The following TMEM128 variants were observed in gnomAD, a reference collection of about 807,000 sequenced individuals.
TMEM128 encodes transmembrane protein 128.
Under a neutral mutation model 19.7 loss-of-function variants are expected in TMEM128, and 16 were observed. The observed-to-expected ratio is 0.81, with a 90% confidence interval of 0.55 to 1.23. TMEM128 has a LOEUF of 1.23. TMEM128 is among the 50% of genes most tolerant of loss of function. The probability of loss-of-function intolerance (pLI) is 0.00; values close to 1 mark genes in which losing one functional copy is unlikely to be tolerated. For synonymous variants in TMEM128, 98 were observed against 75.8 expected, an observed-to-expected ratio of 1.29 and a Z score of -1.52; for missense variants, 237 against 200.8, an observed-to-expected ratio of 1.18 and a Z score of -1.09.
chr4:4,243,559 T>C (rs567416602), intron 2 of TMEM128, among the ~76,000 whole-genome samples: 1 of 152,330 alleles, frequency 6.6e-6, no homozygotes, highest in South Asian at 2.1e-4. Context: ...CTGTCTTTTG[T>C]GCAGCCCTCT....
rs1218252132 is a variant in TMEM128, at chr4:4,248,187, C to T, written c.16G>A (p.Ala6Thr). ...AATCGCCGCCGGAGCTGCTGCCGGG[C>T]CCGCGAGGAGTCCATCTTGGTACCG... MDSSRARQQLRRRFLL... is the reference protein window; with the variant it reads MDSSRTRQQLRRRFLL... Residue 6 changes from alanine to threonine, a missense_variant, in exon 1 of 5, where the codon GCC becomes ACC. By Grantham distance (58) the Ala-to-Thr change is moderately conservative (BLOSUM62 0). Transcript: ENST00000382753. 3 of 1,526,396 alleles carry T rather than the reference C, an allele frequency of 2.0e-6. No homozygotes were observed. In the South Asian group the frequency reaches 3.6e-5, roughly 18 times the overall value. 94.6% of individuals were successfully genotyped at this position (1,526,396 alleles called of 1,614,324 possible).
chr4:4,247,971 T>G lies in TMEM128; in HGVS notation c.97+135A>C, dbSNP rs1014032092. 3.5e-6 allele frequency: 5 copies of G among 1,443,836 alleles called. No individual in the cohort carries two copies. The African/African-American group carries it at 4.3e-5, about 12-fold the overall frequency. 89.4% of individuals were successfully genotyped at this position (1,443,836 alleles called of 1,614,324 possible). On this transcript the variant is annotated intron_variant, in intron 1 of 4. Transcript: ENST00000382753. ...GCACAGCACTCCGCGATTCTAAGGA[T>G]CTTCCCTGACATTAAATATTCGACT... is the stretch of plus-strand genomic sequence containing the variant.
At position 4,248,180 on chromosome 4, in the gene TMEM128, T is replaced by C; in HGVS notation, c.23A>G (p.Gln8Arg). MDSSRAR[Q>R]QLRRRFLLLP... ...GAGGAGGAATCGCCGCCGGAGCTGC[T>C]GCCGGGCCCGCGAGGAGTCCATCTT... is the stretch of plus-strand genomic sequence containing the variant. Residue 8 changes from glutamine to arginine, a missense_variant, in exon 1 of 5, where the codon CAG becomes CGG. Transcript: ENST00000382753. 2.0e-6 allele frequency: 3 copies of C among 1,530,996 alleles called. No homozygotes were observed. The highest frequency in any genetic ancestry group is 1.2e-5 in the South Asian group (1 of 83,302). 94.8% of individuals were successfully genotyped at this position (1,530,996 alleles called of 1,614,324 possible).
At position 4,248,118 on chromosome 4, in the gene TMEM128, C is replaced by G; in HGVS notation, c.85G>C (p.Asp29His). ...GTGCGCGCCTCACCCGGCCCGGCGT[C>G]ACCCTCGCGGTCCAGCTGGGCCTCG... ...DAEAQLDREG[D>H]AGPETSTAVE... The change falls in exon 1 of 5, where the codon GAC (aspartate) becomes CAC (histidine). Residue 29 changes from aspartate (D) to histidine (H), a missense_variant. Asp to His is a moderately conservative substitution (Grantham distance 81, BLOSUM62 -1). Coordinates refer to ENST00000382753, the MANE Select transcript of TMEM128 (RefSeq NM_001297551.2). 1 of 1,536,488 alleles carries G rather than the reference C, an allele frequency of 6.5e-7. No individual in the cohort carries two copies. Among genetic ancestry groups the G allele is most frequent in the Non-Finnish European group, 8.7e-7 (1 of 1,144,284 alleles).
At chr4:4,246,776 C>T (rs1718195005) in intron 1 of TMEM128, among the ~76,000 whole-genome samples, 1 of 151,440 alleles carries the variant, frequency 6.6e-6, no homozygotes, top group East Asian at 1.9e-4. Context: ...GAGTCGGAGT[C>T]TTCCTCTGTC....
In TMEM128 at chr4:4,246,312, T is replaced by C. The variant is rs771177507; in HGVS notation, c.129A>G (p.Lys43=). 1.2e-6 allele frequency: 2 copies of C among 1,610,140 alleles called. No individual in the cohort carries two copies. The highest frequency in any genetic ancestry group is 1.7e-6 in the Non-Finnish European group (2 of 1,178,880). Residue 43 remains lysine (K), a synonymous_variant, in exon 2 of 5, where the codon AAA becomes AAG. Coordinates refer to ENST00000382753, the MANE Select transcript of TMEM128 (RefSeq NM_001297551.2). ...ETSTAVEKKE[K]PLPRLNIHSG... ...AATGGATATTAAGTCTTGGAAGAGGTTTCTCCTTTTTCTCAACAGCTGTGG... is the reference window on the plus strand; with the variant it reads ...AATGGATATTAAGTCTTGGAAGAGGCTTCTCCTTTTTCTCAACAGCTGTGG...
intron 2 of TMEM128, among the ~76,000 whole-genome samples, chr4:4,243,143 G>A (rs987458534): frequency 1.3e-5 from 2 of 152,078 alleles, no homozygotes; most frequent in African/African-American, 2.4e-5. Flanking sequence ...GCAGTGGCGC[G>A]ATCTCGGCTC....
chr4:4,238,333 G>T (rs1717809031), intron 3 of TMEM128, among the ~76,000 whole-genome samples: 1 of 152,130 alleles, frequency 6.6e-6, no homozygotes, highest in Non-Finnish European at 1.5e-5. Flanking sequence ...AATGAAAACA[G>T]TTATCACTTA....
intron 2 of TMEM128, 118 bp downstream of exon 2, chr4:4,246,084 C>G: frequency 9.3e-7 from 1 of 1,070,396 alleles, no homozygotes. Context: ...CACCACACCT[C>G]CAACACAGGG....
At chr4:4,247,686 GAT>G in intron 1 of TMEM128, 2 of 1,613,514 alleles carry the variant, frequency 1.2e-6, no homozygotes, top group South Asian at 2.2e-5. Flanking sequence ...GAGTCGACCT[GAT>G]GTGTCAGGTA....
At chr4:4,245,764 A>T (rs1030623780) in intron 2 of TMEM128, among the ~76,000 whole-genome samples, 1 of 148,100 alleles carries the variant, frequency 6.8e-6, no homozygotes, top group Non-Finnish European at 1.5e-5. Context: ...ATATATATAC[A>T]CACACACATG....
intron 2 of TMEM128, 102 bp downstream of exon 2, chr4:4,246,100 C>T (rs563947830): frequency 8.1e-7 from 1 of 1,234,290 alleles, no homozygotes; most frequent in Non-Finnish European, 1.1e-6. Context: ...CAGGGCCTGG[C>T]AGAGAGTAGT....
At chr4:4,237,440 G>A (rs867601440) in intron 4 of TMEM128, among the ~76,000 whole-genome samples, 104 of 152,010 alleles carry the variant, frequency 6.8e-4, no homozygotes, top group African/African-American at 2.3e-3. Flanking sequence ...CCCAACCCCC[G>A]CCAGCCTGGG....
chr4:4,241,838 G>A (rs1358783559), intron 2 of TMEM128, among the ~76,000 whole-genome samples: 1 of 152,190 alleles, frequency 6.6e-6, no homozygotes, highest in Non-Finnish European at 1.5e-5. Flanking sequence ...CAAGTGGTCA[G>A]CAAAGTGCTC....
chr4:4,241,672 G>T (rs1310551651), intron 2 of TMEM128, among the ~76,000 whole-genome samples: 1 of 152,190 alleles, frequency 6.6e-6, no homozygotes, highest in African/African-American at 2.4e-5. Flanking sequence ...GCTGTAGAGG[G>T]AAGGGGTTAA....
intron 4 of TMEM128, among the ~76,000 whole-genome samples, chr4:4,236,741 TAC>T (rs1480254361): frequency 2.0e-5 from 3 of 152,258 alleles, no homozygotes; most frequent in Non-Finnish European, 2.9e-5. Flanking sequence ...ATTTCTTCTT[TAC>T]ACAGTTACCA....
At chr4:4,237,197 G>C in intron 4 of TMEM128, 1 of 406,856 alleles carries the variant, frequency 2.5e-6, no homozygotes, top group Non-Finnish European at 4.9e-6. Context: ...TCCCAATTAG[G>C]TAAAATTGTT....
At chr4:4,247,561 T>A in intron 1 of TMEM128, 10 of 1,614,058 alleles carry the variant, frequency 6.2e-6, no homozygotes, top group Non-Finnish European at 8.5e-6. Context: ...AATTCTTCCA[T>A]ATTCTATGCA....
intron 3 of TMEM128, among the ~76,000 whole-genome samples, chr4:4,238,781 C>A (rs919861644): frequency 6.6e-6 from 1 of 152,224 alleles, no homozygotes; most frequent in African/African-American, 2.4e-5. Flanking sequence ...CGCCTGTAAT[C>A]CAGCACTTTG....
Sources: allele counts gnomAD v4.1 joint callset (sites outside exome capture counted in the v4.1 genomes callset), GRCh38; gene constraint gnomAD v4.1.1; transcripts MANE v1.5; gene names NCBI Gene and HGNC (gene_info 2026-07-23, HGNC 2026-07-21).